CADPS2: variants seen among roughly 807,000 people sequenced by gnomAD.
CADPS2 encodes the protein calcium-dependent secretion activator 2.
Under a neutral mutation model 172.5 loss-of-function variants are expected in CADPS2, and 93 were observed. The observed-to-expected ratio is 0.54, with a 90% CI of 0.46 to 0.64. The LOEUF is 0.64. Ranked by LOEUF, CADPS2 falls within the 30% of genes least tolerant of loss-of-function variation. CADPS2 has a pLI of 0.00. For synonymous variants in CADPS2, 546 were observed against 555.2 expected (o/e 0.98, Z 0.23); for missense variants, 1,420 against 1,565.9 (o/e 0.91, Z 1.57).
At chr7:122,341,935 C>G (rs1170189071) in intron 28 of CADPS2, among the ~76,000 whole-genome samples, 1 of 152,106 alleles carries the variant, frequency 6.6e-6, no homozygotes, top group Non-Finnish European at 1.5e-5. Context: ...CCTGCCATAA[C>G]TTATTTATAC....
At chr7:122,528,826 T>A (rs2061500304) in intron 8 of CADPS2, among the ~76,000 whole-genome samples, 1 of 152,268 alleles carries the variant, frequency 6.6e-6, no homozygotes, top group Admixed American at 6.5e-5. Flanking sequence ...TGATTATTCA[T>A]AAACTACTAA....
chr7:122,797,010 C>T (rs903193511), intron 1 of CADPS2, among the ~76,000 whole-genome samples: 15 of 149,422 alleles, frequency 1.0e-4, no homozygotes, highest in African/African-American at 3.4e-4. Flanking sequence ...CTTAAATTTA[C>T]AAGAAAAAAA....
chr7:122,372,592 A>AGAT (rs2041899721), intron 25 of CADPS2, among the ~76,000 whole-genome samples: 2 of 152,244 alleles, frequency 1.3e-5, no homozygotes, highest in South Asian at 4.1e-4. Flanking sequence ...ATTTTTATCC[A>AGAT]GATGTAGCAA....
chr7:122,871,087 T>C (rs1033517372), intron 1 of CADPS2, among the ~76,000 whole-genome samples: 1 of 151,690 alleles, frequency 6.6e-6, no homozygotes, highest in African/African-American at 2.4e-5. Context: ...AGATCTTTAC[T>C]GCAGATAGGG....
At chr7:122,367,605 C>T (rs1344983303) in intron 25 of CADPS2, among the ~76,000 whole-genome samples, 2 of 138,348 alleles carry the variant, frequency 1.4e-5, no homozygotes, top group Non-Finnish European at 3.0e-5. Context: ...AGTGCAACGG[C>T]GTGATCTCAG....
At position 122,554,571 on chromosome 7, in the gene CADPS2, G is replaced by A; in HGVS notation, c.1454C>T (p.Pro485Leu). 1.2e-6 allele frequency: 2 copies of A among 1,608,660 alleles called. No homozygotes were observed. Among genetic ancestry groups the A allele is most frequent in the Non-Finnish European group, 1.7e-6 (2 of 1,177,584 alleles). Residue 485 changes from proline (P) to leucine (L), a missense_variant, in exon 8 of 30, where the codon CCA (proline) becomes CTA (leucine). Coordinates refer to ENST00000449022, the MANE Select transcript of CADPS2 (RefSeq NM_017954.11). ...TCACCCACTATGCTTCATATGTGCT[G>A]GTTTATCCATTCGCACTGCCAGTTT... ...KIKLAVRMDK[P>L]AHMKHSGYLY...
chr7:122,694,793 A>G (rs1161485409), intron 2 of CADPS2, among the ~76,000 whole-genome samples: 5 of 152,224 alleles, frequency 3.3e-5, no homozygotes, highest in African/African-American at 1.2e-4. Flanking sequence ...CAAAAAACCA[A>G]ATTTGTTTTT....
chr7:122,532,364 C>A (rs2061837847), intron 8 of CADPS2, among the ~76,000 whole-genome samples: 1 of 152,036 alleles, frequency 6.6e-6, no homozygotes, highest in Admixed American at 6.6e-5. Context: ...CTACAATATT[C>A]CAAACATATT....
intron 1 of CADPS2, among the ~76,000 whole-genome samples, chr7:122,845,726 T>G (rs1811814210): frequency 6.6e-6 from 1 of 152,196 alleles, no homozygotes; most frequent in Non-Finnish European, 1.5e-5. Context: ...CAGTTTGGGC[T>G]TTTAACTATG....
At chr7:122,690,092 TG>T (rs1468422807) in intron 2 of CADPS2, among the ~76,000 whole-genome samples, 2 of 152,148 alleles carry the variant, frequency 1.3e-5, no homozygotes, top group African/African-American at 4.8e-5. Context: ...TTAGAGACAT[TG>T]GTCACCTCAG....
At chr7:122,746,606 A>C (rs1205342089) in intron 1 of CADPS2, among the ~76,000 whole-genome samples, 1 of 148,230 alleles carries the variant, frequency 6.7e-6, no homozygotes, top group African/African-American at 2.6e-5. Flanking sequence ...CACTAACGAC[A>C]GCTGATGAGC....
At chr7:122,628,998 G>A (rs2251612) in intron 4 of CADPS2, among the ~76,000 whole-genome samples, 151,457 of 151,766 alleles carry the variant, frequency 1, 75,574 homozygotes, top group East Asian at 1. Context: ...TGCTTTAAGA[G>A]AAGTCTATAA....
chr7:122,594,900 A>T (rs1394508237), intron 6 of CADPS2, among the ~76,000 whole-genome samples: 1 of 152,012 alleles, frequency 6.6e-6, no homozygotes, highest in Non-Finnish European at 1.5e-5. Context: ...ATAGGAAAGA[A>T]TAAGTAATTG....
At chr7:122,581,798 C>T (rs540554154) in intron 6 of CADPS2, among the ~76,000 whole-genome samples, 1 of 152,162 alleles carries the variant, frequency 6.6e-6, no homozygotes, top group South Asian at 2.1e-4. Flanking sequence ...TTTTGAAGCT[C>T]CTGCCAAAAA....
chr7:122,580,292 T>C (rs1212814574), intron 7 of CADPS2, among the ~76,000 whole-genome samples: 1 of 151,768 alleles, frequency 6.6e-6, no homozygotes, highest in African/African-American at 2.4e-5. Flanking sequence ...CCATCTCTAC[T>C]AAAAATACAA....
At chr7:122,808,920 T>C (rs1366900705) in intron 1 of CADPS2, among the ~76,000 whole-genome samples, 1 of 152,214 alleles carries the variant, frequency 6.6e-6, no homozygotes, top group African/African-American at 2.4e-5. Context: ...TATATGTATG[T>C]ATATAAAAGT....
intron 1 of CADPS2, among the ~76,000 whole-genome samples, chr7:122,800,175 T>C (rs1365569343): frequency 3.3e-5 from 5 of 152,178 alleles, no homozygotes; most frequent in South Asian, 4.1e-4. Flanking sequence ...TGCAAAAACA[T>C]CCACGGTTAT....
At chr7:122,422,669 C>T (rs1213842388) in intron 17 of CADPS2, among the ~76,000 whole-genome samples, 2 of 151,794 alleles carry the variant, frequency 1.3e-5, no homozygotes, top group Non-Finnish European at 2.9e-5. Flanking sequence ...AACCATAATC[C>T]CCTGGCCAGG....
chr7:122,815,400 C>T (rs369026252), intron 1 of CADPS2, among the ~76,000 whole-genome samples: 2 of 151,986 alleles, frequency 1.3e-5, no homozygotes, highest in African/African-American at 2.4e-5. Flanking sequence ...CTGGAAAAGC[C>T]GATAACAGCT....
Sources: allele counts gnomAD v4.1 joint callset (sites outside exome capture counted in the v4.1 genomes callset), GRCh38; gene constraint gnomAD v4.1.1; transcripts MANE v1.5; gene names NCBI Gene and HGNC (gene_info 2026-07-23, HGNC 2026-07-21).